Variants in NT5C1B observed in about 807,000 individuals in gnomAD.
NT5C1B encodes 5'-nucleotidase, cytosolic IB.
NT5C1B carries 44 observed loss-of-function variants against 57.8 expected under a neutral mutation model. That is an observed-to-expected ratio of 0.76 (90% confidence interval 0.60 to 0.98). NT5C1B has a LOEUF of 0.98. Ranked by LOEUF, NT5C1B falls within the 50% of genes least tolerant of loss-of-function variation. The pLI is 0.00. For missense variants in NT5C1B, 742 were observed against 719.5 expected (o/e 1.03, Z -0.36); for synonymous variants, 284 against 282.6 (o/e 1.00, Z -0.05).
chr2:18,583,736 T>G, intron 5 of NT5C1B: 1 of 436,932 alleles, frequency 2.3e-6, no homozygotes, highest in South Asian at 1.8e-5. Context: ...CTAACGTGAA[T>G]TTCATTTCAC....
At chr2:18,585,301 C>G in intron 3 of NT5C1B, 3 of 608,236 alleles carry the variant, frequency 4.9e-6, no homozygotes, top group Non-Finnish European at 9.2e-6. Flanking sequence ...AAGTTCTGTC[C>G]CCTGCTTGGC....
intron 2 of NT5C1B, chr2:18,587,037 A>C (rs1264202007): frequency 1.2e-6 from 2 of 1,614,224 alleles, no homozygotes; most frequent in Admixed American, 1.7e-5. Flanking sequence ...CAACAGGCAC[A>C]TGTGAATATA....
At chr2:18,581,573 G>T (rs1435980988) in intron 6 of NT5C1B, among the ~76,000 whole-genome samples, 1 of 152,008 alleles carries the variant, frequency 6.6e-6, no homozygotes, top group Non-Finnish European at 1.5e-5. Flanking sequence ...GGAAGTATCT[G>T]CTTTGGTATT....
At chr2:18,576,075 T>G in intron 8 of NT5C1B, 109 bp downstream of exon 8, 2 of 1,178,206 alleles carry the variant, frequency 1.7e-6, no homozygotes, top group Non-Finnish European at 2.3e-6. Flanking sequence ...TAAGAAGGAG[T>G]GCCCTGCCTA....
intron 3 of NT5C1B, 78 bp from the exon 4 acceptor site, chr2:18,585,056 TC>T: frequency 1.3e-6 from 2 of 1,576,018 alleles, no homozygotes; most frequent in Non-Finnish European, 1.7e-6. Flanking sequence ...TTCTGCCTAT[TC>T]CATTCCTAGA....
At chr2:18,569,945 T>A (rs1456566216) in intron 8 of NT5C1B, among the ~76,000 whole-genome samples, 1 of 152,110 alleles carries the variant, frequency 6.6e-6, no homozygotes, top group Non-Finnish European at 1.5e-5. Context: ...AGATAGACCA[T>A]ATTCTTGGCA....
At chr2:18,589,355 G>C (rs1666993229) in intron 1 of NT5C1B, 84 bp downstream of exon 1, 3 of 1,574,786 alleles carry the variant, frequency 1.9e-6, no homozygotes, top group Non-Finnish European at 2.6e-6. Flanking sequence ...GATCATTGCA[G>C]AGCCTTTGCA....
At chr2:18,585,461 A>G (rs902599928) in intron 3 of NT5C1B, among the ~76,000 whole-genome samples, 2 of 152,252 alleles carry the variant, frequency 1.3e-5, no homozygotes, top group Admixed American at 6.5e-5. Context: ...ATAGCACCTC[A>G]GGGCATGTCT....
rs202208251 is a variant in NT5C1B, at chr2:18,584,642, G to C, written c.595C>G (p.Leu199Val). Residue 199 changes from leucine to valine, a missense_variant, in exon 4 of 9, where the codon CTG becomes GTG. Transcript: ENST00000304081. This position sits in a 1 kb window ranked among gnomAD's most constrained non-coding sequence, Gnocchi z 5.8. ...TGCTCGGACAGAGAGTTGCGGTCCA[G>C]CTGGGTGGAGGCGGGGTAGATCCCC... The C allele has an allele frequency of 8.7e-5, 140 of 1,613,150 alleles. No individual in the cohort carries two copies. The East Asian group carries it at 3.1e-3, about 36-fold the overall frequency.
intron 2 of NT5C1B, 38 bp from the exon 3 acceptor site, chr2:18,586,429 C>T (rs1035314724): frequency 6.2e-7 from 1 of 1,609,744 alleles, no homozygotes. Flanking sequence ...TGTAAAACCC[C>T]ATCACCAACT....
At chr2:18,578,116 T>TG (rs1665870337) in intron 6 of NT5C1B, among the ~76,000 whole-genome samples, 1 of 152,106 alleles carries the variant, frequency 6.6e-6, no homozygotes, top group African/African-American at 2.4e-5. Context: ...GTTTCTAAAT[T>TG]GAATCAGTAA....
intron 3 of NT5C1B, 142 bp from the exon 4 acceptor site, chr2:18,585,120 C>T (rs768470296): frequency 4.6e-6 from 5 of 1,091,848 alleles, no homozygotes; most frequent in African/African-American, 1.5e-5. Flanking sequence ...TTAAGGGACT[C>T]GGACATTTCT....
At chr2:18,587,710 G>T in intron 1 of NT5C1B, 118 bp from the exon 2 acceptor site, 1 of 1,184,984 alleles carries the variant, frequency 8.4e-7, no homozygotes, top group Non-Finnish European at 1.2e-6. Flanking sequence ...AATATAAAAA[G>T]GTATAAACTC....
In NT5C1B at chr2:18,585,139, G is replaced by A. The variant is rs1050997250; in HGVS notation, c.259-161C>T. The A allele has an allele frequency of 1.1e-5, 10 of 932,478 alleles. No homozygotes were observed. The African/African-American group carries it at 1.5e-4, about 14-fold the overall frequency. 57.8% of individuals were successfully genotyped at this position (932,478 alleles called of 1,614,324 possible). On this transcript the variant is annotated intron_variant, in intron 3 of 8. Coordinates refer to ENST00000304081, the Ensembl canonical transcript of NT5C1B. ...GGGACTCGGACATTTCTAGGCCTCAGCTGTTTGATATTTCTGTTAAACAGA... is the reference window on the plus strand; with the variant it reads ...GGGACTCGGACATTTCTAGGCCTCAACTGTTTGATATTTCTGTTAAACAGA...
intron 6 of NT5C1B, among the ~76,000 whole-genome samples, chr2:18,577,386 T>C (rs754691907): frequency 1.5e-5 from 2 of 131,060 alleles, no homozygotes; most frequent in African/African-American, 6.0e-5. Flanking sequence ...ATCGCGCCAC[T>C]GCACTCCAGC....
At chr2:18,576,669 T>C (rs1572344030) in intron 7 of NT5C1B, 104 bp downstream of exon 7, 2 of 1,530,348 alleles carry the variant, frequency 1.3e-6, no homozygotes, top group East Asian at 2.3e-5. Context: ...TTCAGAAGAA[T>C]ATCCAACAAG....
chr2:18,580,236 C>T (rs747973769), intron 6 of NT5C1B, among the ~76,000 whole-genome samples: 5 of 152,088 alleles, frequency 3.3e-5, no homozygotes, highest in East Asian at 1.9e-4. Flanking sequence ...GATTTCTCAA[C>T]GAATTTTAAA....
chr2:18,579,310 A>C (rs1372730820), intron 6 of NT5C1B, among the ~76,000 whole-genome samples: 1 of 152,236 alleles, frequency 6.6e-6, no homozygotes, highest in Non-Finnish European at 1.5e-5. Context: ...ACATGGAATC[A>C]AAAAAGAGCT....
exon 9 of NT5C1B, chr2:18,564,032 T>C (rs1664413476): frequency 1.2e-6 from 2 of 1,613,626 alleles, no homozygotes; most frequent in African/African-American, 2.7e-5. Flanking sequence ...ACCAGGTAGG[T>C]CCTGATAGGA....
Sources: gnomAD v4.1 joint callset for allele counts (sites outside exome capture counted in the v4.1 genomes callset) on GRCh38, gnomAD v4.1.1 for gene constraint, Gnocchi (gnomAD v3.1) non-coding constraint, MANE v1.5 for transcripts, NCBI Gene and HGNC (gene_info 2026-07-23, HGNC 2026-07-21) for gene names.